The following CFH variants were observed in gnomAD, a reference collection of about 807,000 sequenced individuals.
CFH encodes complement factor H.
In CFH, 53 loss-of-function variants were observed where a neutral mutation model predicts 147.3. The observed-to-expected ratio is 0.36, with a 90% CI of 0.29 to 0.45. CFH has a LOEUF of 0.45. CFH is among the 20% of genes least tolerant of loss of function. The pLI is 1.00. For missense variants in CFH, 1,380 were observed against 1,498.0 expected, an observed-to-expected ratio of 0.92 and a Z score of 1.30; for synonymous variants, 536 against 489.4, an observed-to-expected ratio of 1.10 and a Z score of -1.26.
chr1:196,673,405 C>G, intron 2 of CFH: 2 of 481,654 alleles, frequency 4.2e-6, no homozygotes, highest in Non-Finnish European at 7.4e-6. Flanking sequence ...GGCGCTATTT[C>G]GGCTCACTGC....
At chr1:196,665,267 TAACA>T (rs1385018023) in intron 1 of CFH, among the ~76,000 whole-genome samples, 1 of 151,432 alleles carries the variant, frequency 6.6e-6, no homozygotes, top group Non-Finnish European at 1.5e-5. Context: ...AATTTTTAAT[TAACA>T]AAGTTTTAAT....
chr1:196,673,377 G>T (rs145874136), intron 2 of CFH: 25 of 547,672 alleles, frequency 4.6e-5, no homozygotes, highest in African/African-American at 4.4e-4. Flanking sequence ...TCCCTCTATC[G>T]CCTGGCTGGA....
At chr1:196,724,265 G>A (rs777596613) in intron 11 of CFH, among the ~76,000 whole-genome samples, 1 of 151,938 alleles carries the variant, frequency 6.6e-6, no homozygotes, top group African/African-American at 2.4e-5. Flanking sequence ...TATTTGTGCG[G>A]CTCTGGTGTT....
intron 1 of CFH, among the ~76,000 whole-genome samples, chr1:196,661,794 TAAGTAG>T (rs1162613357): frequency 4.6e-5 from 7 of 152,356 alleles, no homozygotes; most frequent in East Asian, 1.9e-4. Context: ...GCGGGAAGCT[TAAGTAG>T]AAGTAGAAGA....
At position 196,685,256 on chromosome 1, in the gene CFH, T is replaced by A; in HGVS notation, c.964+19T>A. On this transcript the variant is annotated intron_variant, in intron 7 of 21. Transcript: ENST00000367429. The stretch of plus-strand genomic sequence containing the variant: ...TGTACCTGTAAGTTCCATTCATATC[T>A]TGACCCATTTCTTAATTCTGAAATT... 1 of 1,611,788 alleles carries A rather than the reference T, an allele frequency of 6.2e-7. No homozygotes were observed. The highest frequency in any genetic ancestry group is 8.5e-7 in the Non-Finnish European group (1 of 1,178,282).
rs974472744 is a variant in CFH, at chr1:196,742,182, C to T, written c.3133+131C>T. The T allele has an allele frequency of 1.0e-5, 8 of 774,278 alleles. No homozygotes were observed. In the Admixed American group the frequency reaches 1.5e-4, roughly 14 times the overall value. The allele number at this position is 774,278 out of a possible 1,614,324, so 48.0% of individuals were successfully genotyped here. On this transcript the variant is annotated intron_variant, in intron 19 of 21. Transcript: ENST00000367429. ...TTGAGGTCAGGAGTTCGAGACCAGC[C>T]TGGCCAACATGGTGAAAACCCGTCT... is the stretch of plus-strand genomic sequence containing the variant.
At position 196,740,934 on chromosome 1, in the gene CFH, C is replaced by T. The variant is rs143385632; in HGVS notation, c.2956+142C>T. The T allele has an allele frequency of 2.5e-4, 213 of 839,618 alleles. 1 individual carries two copies. The highest frequency in any genetic ancestry group is 3.7e-4 in the Non-Finnish European group (190 of 518,132). The allele number at this position is 839,618 out of a possible 1,614,324, so 52.0% of individuals were successfully genotyped here. ...TCTGGACTGCTGTGGGAAATTATAGCTGTAGTAATTAAAACATTTGACATT... is the reference window on the plus strand; with the variant it reads ...TCTGGACTGCTGTGGGAAATTATAGTTGTAGTAATTAAAACATTTGACATT... On this transcript the variant is annotated intron_variant, in intron 18 of 21. Transcript: ENST00000367429.
chr1:196,690,669 A>G (rs1049282076), intron 9 of CFH, among the ~76,000 whole-genome samples: 5 of 152,128 alleles, frequency 3.3e-5, no homozygotes, highest in African/African-American at 1.2e-4. Context: ...CTTGTGAGAG[A>G]GAGCGGCACC....
At chr1:196,673,544 G>T in intron 2 of CFH, 2 of 382,832 alleles carry the variant, frequency 5.2e-6, no homozygotes, top group Non-Finnish European at 9.8e-6. Context: ...ACCAATGCTG[G>T]GCAGGCTGGT....
chr1:196,688,777 AT>A (rs545205532), intron 7 of CFH, among the ~76,000 whole-genome samples: 2 of 151,662 alleles, frequency 1.3e-5, no homozygotes, highest in Admixed American at 6.6e-5. Context: ...GGCCCGGCTA[AT>A]TTTTTTTGTA....
chr1:196,746,972 T>A, intron 21 of CFH, 139 bp from the exon 22 acceptor site: 6 of 1,416,666 alleles, frequency 4.2e-6, no homozygotes, highest in Non-Finnish European at 5.8e-6. Flanking sequence ...ATCAATATGA[T>A]GTTTCTACAT....
At chr1:196,664,833 C>A (rs1028313391) in intron 1 of CFH, among the ~76,000 whole-genome samples, 2 of 152,006 alleles carry the variant, frequency 1.3e-5, no homozygotes, top group Non-Finnish European at 2.9e-5. Context: ...AAATATTTCA[C>A]AAAATCTTTA....
chr1:196,723,908 G>A (rs1327386370), intron 11 of CFH, among the ~76,000 whole-genome samples: 1 of 152,054 alleles, frequency 6.6e-6, no homozygotes, highest in Non-Finnish European at 1.5e-5. Flanking sequence ...AGTGACCACA[G>A]CTATGAACAC....
intron 9 of CFH, among the ~76,000 whole-genome samples, chr1:196,697,615 T>G (rs143302298): frequency 1.3e-5 from 2 of 152,004 alleles, no homozygotes; most frequent in East Asian, 3.9e-4. Flanking sequence ...CAGGGATCTA[T>G]AACTAGAAAT....
rs1271882140 is a variant in CFH at position 196,745,809 on chromosome 1, T to G, written c.3311-8T>G. On this transcript the variant is annotated splice_polypyrimidine_tract_variant and splice_region_variant and intron_variant, in intron 20 of 21. Transcript: ENST00000367429. The stretch of plus-strand genomic sequence containing the variant: ...CAACAAATCAAGTGATGAAATGATG[T>G]TTTTTAGATTCTACAGGAAAATGTG... The G allele has an allele frequency of 6.2e-7, 1 of 1,614,002 alleles. No individual in the cohort carries two copies. Among genetic ancestry groups the G allele is most frequent in the Non-Finnish European group, 8.5e-7 (1 of 1,179,924 alleles).
At chr1:196,731,957 T>G (rs563675316) in intron 15 of CFH, among the ~76,000 whole-genome samples, 1 of 152,196 alleles carries the variant, frequency 6.6e-6, no homozygotes. Context: ...GTGTTATGTC[T>G]TAAAGTGACT....
intron 18 of CFH, chr1:196,741,217 G>A (rs899859377): frequency 1.9e-5 from 4 of 208,164 alleles, no homozygotes; most frequent in Admixed American, 5.3e-5. Flanking sequence ...TATAGGTGGT[G>A]TATTATTCCG....
At chr1:196,742,073 A>G in intron 19 of CFH, 22 bp downstream of exon 19, 2 of 1,611,710 alleles carry the variant, frequency 1.2e-6, no homozygotes, top group Non-Finnish European at 1.7e-6. Flanking sequence ...AATTTTCAAA[A>G]TTTATTTATA....
rs1183165036 is a variant in CFH at position 196,692,897 on chromosome 1, CCCTCCCTT to C, written c.1336+2662_1336+2669del. The stretch of plus-strand genomic sequence containing the variant: ...CTGTCACCTCCCTCCCTCCCTCCCT[CCCTCCCTT>C]CCTTCCTTCCTTCCTTCCTTCCTTC... On this transcript the variant is annotated intron_variant, in intron 9 of 21. Coordinates refer to ENST00000367429, the MANE Select transcript of CFH (RefSeq NM_000186.4). Among the ~76,000 whole-genome samples, 378 of 68,986 alleles carry C rather than the reference CCCTCCCTT, an allele frequency of 5.5e-3. 31 individuals are homozygous for C. Among genetic ancestry groups the C allele is most frequent in the African/African-American group, 0.025 (342 of 13,616 alleles). 45.3% of individuals were successfully genotyped at this position (68,986 alleles called of 152,430 possible). A position where few individuals can be genotyped will look rare whatever the true frequency, so the allele number is the denominator to read the frequency against.
Sources: gnomAD v4.1 joint callset for allele counts (sites outside exome capture counted in the v4.1 genomes callset) on GRCh38, gnomAD v4.1.1 for gene constraint, MANE v1.5 for transcripts, NCBI Gene and HGNC (gene_info 2026-07-23, HGNC 2026-07-21) for gene names.